Variants in CTNNA3 observed in about 807,000 individuals in gnomAD.
CTNNA3 encodes the protein catenin alpha-3.
Under a neutral mutation model 95.7 loss-of-function variants are expected in CTNNA3, and 76 were observed. The observed-to-expected ratio is 0.79, with a 90% confidence interval of 0.66 to 0.96. The LOEUF is 0.96. Among genes scored for constraint, CTNNA3 ranks in the 40% least tolerant of loss-of-function variants. The probability of loss-of-function intolerance (pLI) is 0.00; values close to 1 mark genes in which losing one functional copy is unlikely to be tolerated. For missense variants in CTNNA3, 1,191 were observed against 1,089.8 expected (o/e 1.09, Z -1.31); for synonymous variants, 431 against 374.4 (o/e 1.15, Z -1.74).
intron 5 of CTNNA3, among the ~76,000 whole-genome samples, chr10:67,391,489 T>C (rs1463795150): frequency 6.6e-6 from 1 of 152,038 alleles, no homozygotes; most frequent in Non-Finnish European, 1.5e-5. Context: ...CCAAGGTAAT[T>C]TACAGATTCA....
chr10:66,779,886 T>C (rs925255574), intron 7 of CTNNA3, among the ~76,000 whole-genome samples: 1 of 152,166 alleles, frequency 6.6e-6, no homozygotes, highest in Non-Finnish European at 1.5e-5. Flanking sequence ...GCCTTTCAGG[T>C]GCACAAATCT....
intron 1 of CTNNA3, among the ~76,000 whole-genome samples, chr10:67,748,722 CATT>C (rs1209082911): frequency 6.6e-6 from 1 of 152,190 alleles, no homozygotes; most frequent in Non-Finnish European, 1.5e-5. Context: ...CAGCTAGCAT[CATT>C]ATTACACGAT....
chr10:66,199,120 C>T (rs1381706604), intron 13 of CTNNA3, among the ~76,000 whole-genome samples: 1 of 151,752 alleles, frequency 6.6e-6, no homozygotes, highest in Non-Finnish European at 1.5e-5. Flanking sequence ...TGTTTTCCAG[C>T]CTGAATTTCT....
chr10:67,466,331 T>A (rs1182165719), intron 5 of CTNNA3, among the ~76,000 whole-genome samples: 1 of 152,140 alleles, frequency 6.6e-6, no homozygotes, highest in Middle Eastern at 3.2e-3. Flanking sequence ...ATACAACAAG[T>A]TTTTTTGTGA....
intron 5 of CTNNA3, among the ~76,000 whole-genome samples, chr10:67,258,874 C>G (rs888810485): frequency 6.6e-6 from 1 of 152,234 alleles, no homozygotes; most frequent in Non-Finnish European, 1.5e-5. Context: ...CCCACTGATA[C>G]CAGAATTCTC....
rs1028446281 is a variant in CTNNA3 at position 66,775,398 on chromosome 10, C to A, written c.1128+46G>T. 3.9e-6 allele frequency: 5 copies of A among 1,287,416 alleles called. No homozygotes were observed. The African/African-American group carries it at 7.5e-5, about 19-fold the overall frequency. 79.7% of individuals were successfully genotyped at this position (1,287,416 alleles called of 1,614,324 possible). The stretch of plus-strand genomic sequence containing the variant: ...ATATGCCTGCAATGAATAACAGTTT[C>A]ATTTAGCCCCTATGTTTCTGACTCC... On this transcript the variant is annotated intron_variant, in intron 8 of 17. Coordinates refer to ENST00000433211, the MANE Select transcript of CTNNA3 (RefSeq NM_013266.4).
intron 1 of CTNNA3, among the ~76,000 whole-genome samples, chr10:67,714,325 A>G (rs1841130076): frequency 6.6e-6 from 1 of 152,240 alleles, no homozygotes; most frequent in African/African-American, 2.4e-5. Flanking sequence ...GACTATGGGA[A>G]CCTACCTCTT....
chr10:67,407,678 C>T (rs1387741355), intron 5 of CTNNA3, among the ~76,000 whole-genome samples: 1 of 152,088 alleles, frequency 6.6e-6, no homozygotes, highest in Non-Finnish European at 1.5e-5. Context: ...CACTGACTCA[C>T]CCCAAAAGCT....
At chr10:66,953,152 T>C (rs1024828504) in intron 7 of CTNNA3, among the ~76,000 whole-genome samples, 1 of 152,184 alleles carries the variant, frequency 6.6e-6, no homozygotes, top group African/African-American at 2.4e-5. Context: ...CCTGACCCAG[T>C]TGAGCCTCGC....
At chr10:67,309,816 C>T (rs188253436) in intron 5 of CTNNA3, among the ~76,000 whole-genome samples, 94 of 152,112 alleles carry the variant, frequency 6.2e-4, no homozygotes, top group Non-Finnish European at 6.3e-4. Flanking sequence ...ATACCATTGC[C>T]GGCCAAAAGG....
chr10:66,020,828 T>A (rs193182673), intron 15 of CTNNA3, among the ~76,000 whole-genome samples: 1 of 151,998 alleles, frequency 6.6e-6, no homozygotes, highest in Non-Finnish European at 1.5e-5. Context: ...CCTGCCACCA[T>A]ACCCAGCTAA....
intron 7 of CTNNA3, chr10:66,928,303 A>G (rs1283530161): frequency 5.0e-6 from 8 of 1,614,198 alleles, no homozygotes. Flanking sequence ...AAGGCACAGG[A>G]AAAAGAAAAG....
chr10:67,324,859 T>C (rs763135826), intron 5 of CTNNA3, among the ~76,000 whole-genome samples: 27 of 152,172 alleles, frequency 1.8e-4, no homozygotes, highest in Non-Finnish European at 3.1e-4. Flanking sequence ...CAGCTATGAA[T>C]CCACCTGGTT....
Position 67,753,458 on chromosome 10 carries a change from G to T in CTNNA3, c.-2+9976C>A, listed in dbSNP as rs902905380. Among the ~76,000 whole-genome samples, 3 of 151,994 alleles carry T rather than the reference G, an allele frequency of 2.0e-5. No homozygotes were observed. The South Asian group carries it at 6.2e-4, about 31-fold the overall frequency. On this transcript the variant is annotated intron_variant, in intron 1 of 17. Coordinates refer to the CTNNA3 transcript ENST00000684154. ...AGCAATTGCAACAAAAGCAAAAATT[G>T]ACAAATAGGACCTAATTAAATGAAA...
intron 1 of CTNNA3, among the ~76,000 whole-genome samples, chr10:67,724,396 C>T (rs1309680074): frequency 6.6e-6 from 1 of 152,186 alleles, no homozygotes; most frequent in Non-Finnish European, 1.5e-5. Context: ...TTATTGTGAA[C>T]ATCAATTCCC....
At chr10:67,251,637 G>A (rs931799148) in intron 5 of CTNNA3, among the ~76,000 whole-genome samples, 3 of 152,152 alleles carry the variant, frequency 2.0e-5, no homozygotes, top group African/African-American at 7.2e-5. Context: ...AGGAAGAAGA[G>A]GAAGTCAAGA....
At chr10:66,106,369 G>GTA (rs1564649790) in intron 13 of CTNNA3, among the ~76,000 whole-genome samples, 2 of 130,210 alleles carry the variant, frequency 1.5e-5, no homozygotes, top group African/African-American at 5.5e-5. Context: ...GTGTGTGTGT[G>GTA]TGTGTGTGTT....
chr10:67,505,562 A>G (rs977308641), intron 5 of CTNNA3, among the ~76,000 whole-genome samples: 1 of 152,234 alleles, frequency 6.6e-6, no homozygotes, highest in Admixed American at 6.5e-5. Context: ...TAATTTCTTC[A>G]TTAAGCAAAC....
intron 7 of CTNNA3, among the ~76,000 whole-genome samples, chr10:66,970,158 C>CT (rs1366021381): frequency 6.6e-6 from 1 of 152,090 alleles, no homozygotes; most frequent in Admixed American, 6.5e-5. Context: ...AATACAGACA[C>CT]TTTGATTACA....
Sources: gnomAD v4.1 joint callset for allele counts (sites outside exome capture counted in the v4.1 genomes callset) on GRCh38, gnomAD v4.1.1 for gene constraint, MANE v1.5 for transcripts, NCBI Gene and HGNC (gene_info 2026-07-23, HGNC 2026-07-21) for gene names.